SEL1L: variants seen among roughly 807,000 people sequenced by gnomAD.
The protein encoded by SEL1L is SEL1L adaptor subunit of SYVN1 ubiquitin ligase, also known as protein sel-1 homolog 1.
SEL1L carries 52 observed loss-of-function variants against 109.8 expected under a neutral mutation model. The observed-to-expected ratio is 0.47, with a 90% CI of 0.38 to 0.60. The LOEUF is 0.60. Among genes scored for constraint, SEL1L ranks in the 20% least tolerant of loss-of-function variants. The probability of loss-of-function intolerance (pLI) is 0.00; values close to 1 mark genes in which losing one functional copy is unlikely to be tolerated. For missense variants in SEL1L, 749 were observed against 962.2 expected (o/e 0.78, Z 2.93); for synonymous variants, 373 against 339.6 (o/e 1.10, Z -1.08).
At chr14:81,530,807 T>C (rs1411718543) in intron 1 of SEL1L, among the ~76,000 whole-genome samples, 1 of 152,186 alleles carries the variant, frequency 6.6e-6, no homozygotes, top group South Asian at 2.1e-4. Flanking sequence ...TAAACCTAAA[T>C]GGGATAGCCT....
intron 14 of SEL1L, 116 bp downstream of exon 14, chr14:81,489,136 G>C: frequency 2.3e-6 from 2 of 860,784 alleles, no homozygotes; most frequent in South Asian, 2.8e-5. Flanking sequence ...AAGAGGTTCA[G>C]CTTTGCTTAC....
chr14:81,523,458 C>T (rs969126361), intron 3 of SEL1L, among the ~76,000 whole-genome samples: 2 of 152,142 alleles, frequency 1.3e-5, no homozygotes, highest in Non-Finnish European at 2.9e-5. Context: ...CCTTGCCCTA[C>T]ACCTCTCTTC....
intron 9 of SEL1L, 116 bp from the exon 10 acceptor site, chr14:81,498,162 T>C (rs889837537): frequency 1.5e-5 from 16 of 1,071,796 alleles, no homozygotes; most frequent in South Asian, 3.3e-5. Flanking sequence ...AAGGAAGCTG[T>C]TTTTACAGTA....
At chr14:81,532,322 A>G (rs1178700290) in intron 1 of SEL1L, among the ~76,000 whole-genome samples, 5 of 152,212 alleles carry the variant, frequency 3.3e-5, no homozygotes, top group Non-Finnish European at 1.5e-5. Context: ...CTAAAACCCA[A>G]TGTTTAACAA....
intron 17 of SEL1L, 66 bp downstream of exon 17, chr14:81,486,223 A>AT (rs1903515166): frequency 6.8e-7 from 1 of 1,480,302 alleles, no homozygotes; most frequent in Non-Finnish European, 9.3e-7. Context: ...TTTTGAATAC[A>AT]TTAAACAGTT....
chr14:81,522,085 G>T (rs1884928756), intron 3 of SEL1L, among the ~76,000 whole-genome samples: 1 of 152,044 alleles, frequency 6.6e-6, no homozygotes, highest in Non-Finnish European at 1.5e-5. Context: ...AAATATTTTT[G>T]TATAGCTCTA....
intron 8 of SEL1L, chr14:81,498,989 G>GAGC (rs1472902818): frequency 2.2e-6 from 1 of 453,650 alleles, no homozygotes; most frequent in Non-Finnish European, 2.9e-6. Context: ...ACAGAAAGTA[G>GAGC]AGCTCTCTGG....
chr14:81,530,656 G>T (rs1349023941), intron 1 of SEL1L, among the ~76,000 whole-genome samples: 1 of 152,140 alleles, frequency 6.6e-6, no homozygotes, highest in Non-Finnish European at 1.5e-5. Context: ...ATTATCCTGA[G>T]AAAATGAAGA....
chr14:81,474,396 C>G lies in SEL1L; in HGVS notation c.*2576G>C, dbSNP rs1477322095. 2.0e-5 allele frequency: 3 copies of G among 152,192 alleles called. No individual in the cohort carries two copies. The highest frequency in any genetic ancestry group is 4.4e-5 in the Non-Finnish European group (3 of 68,034). 9.4% of individuals were successfully genotyped at this position (152,192 alleles called of 1,614,324 possible). On this transcript the variant is annotated 3_prime_UTR_variant, in exon 21 of 21. Coordinates refer to ENST00000336735, the MANE Select transcript of SEL1L (RefSeq NM_005065.6). The stretch of plus-strand genomic sequence containing the variant: ...GTCATCAAGTTCGAAGGCAGGAAGA[C>G]AGACTAGAAAAGGTCTTAGGAGAGA...
At chr14:81,487,792 T>C (rs969254328) in intron 15 of SEL1L, 63 bp downstream of exon 15, 26 of 1,600,372 alleles carry the variant, frequency 1.6e-5, no homozygotes, top group Non-Finnish European at 2.2e-5. Context: ...CATAATGCCA[T>C]CTAGTAGAAA....
intron 3 of SEL1L, among the ~76,000 whole-genome samples, chr14:81,517,721 A>G (rs1044014514): frequency 2.0e-4 from 31 of 152,248 alleles, no homozygotes; most frequent in Non-Finnish European, 4.6e-4. Context: ...AAATTAAAAT[A>G]AAATGTTAAA....
At chr14:81,518,161 G>C (rs1029203019) in intron 3 of SEL1L, among the ~76,000 whole-genome samples, 1 of 151,682 alleles carries the variant, frequency 6.6e-6, no homozygotes. Flanking sequence ...CCAAAATGCT[G>C]GGATTACAGG....
intron 7 of SEL1L, 32 bp downstream of exon 7, chr14:81,499,577 T>C (rs373078707): frequency 2.5e-6 from 4 of 1,609,296 alleles, no homozygotes; most frequent in African/African-American, 2.7e-5. Flanking sequence ...CAATTCAAAT[T>C]GTAATATGCA....
chr14:81,482,140 C>G (rs1163327758), intron 19 of SEL1L, among the ~76,000 whole-genome samples: 1 of 152,110 alleles, frequency 6.6e-6, no homozygotes, highest in Non-Finnish European at 1.5e-5. Context: ...TCCCCCTACT[C>G]TTATCAAAGG....
In SEL1L at chr14:81,476,753, A is replaced by G. The variant is rs1353029687; in HGVS notation, c.*219T>C. ...AAAAGCCACTGAAAGTTGTTATTCC[A>G]TATGGCACTGAAACAAACATTCAGC... On this transcript the variant is annotated 3_prime_UTR_variant, in exon 21 of 21. Transcript: ENST00000336735. The G allele has an allele frequency of 1.9e-5, 10 of 527,072 alleles. No homozygotes were observed. Among genetic ancestry groups the G allele is most frequent in the Middle Eastern group, 5.0e-4 (1 of 2,016 alleles). The allele number at this position is 527,072 out of a possible 1,614,324, so 32.6% of individuals were successfully genotyped here. A position where few individuals can be genotyped will look rare whatever the true frequency, so the allele number is the denominator to read the frequency against.
chr14:81,516,969 C>T (rs1030897005), intron 3 of SEL1L, among the ~76,000 whole-genome samples: 1 of 152,126 alleles, frequency 6.6e-6, no homozygotes, highest in Non-Finnish European at 1.5e-5. Flanking sequence ...ATGTCAAATC[C>T]CCCTACCAAA....
At position 81,472,453 on chromosome 14, in the gene SEL1L, T is replaced by C. The variant is rs777129977; in HGVS notation, c.*4519A>G. ...GCTGGGGGCCAAATTTGTAGCCCAC[T>C]TCCAATTGCACTTTGTGTACATGTT... On this transcript the variant is annotated 3_prime_UTR_variant, in exon 21 of 21. Coordinates refer to ENST00000336735, the MANE Select transcript of SEL1L (RefSeq NM_005065.6). 25 of 222,884 alleles carry C rather than the reference T, an allele frequency of 1.1e-4. No individual in the cohort carries two copies. The highest frequency in any genetic ancestry group is 2.1e-4 in the Non-Finnish European group (23 of 109,372). The allele number at this position is 222,884 out of a possible 1,614,324, so 13.8% of individuals were successfully genotyped here. A position where few individuals can be genotyped will look rare whatever the true frequency, so the allele number is the denominator to read the frequency against.
At chr14:81,524,222 C>A (rs1003024720) in intron 3 of SEL1L, among the ~76,000 whole-genome samples, 3 of 152,228 alleles carry the variant, frequency 2.0e-5, no homozygotes. Flanking sequence ...GTTGCCAAAA[C>A]CCCTAGGCAA....
chr14:81,486,449 A>G lies in SEL1L; in HGVS notation c.1638T>C (p.Phe546=), dbSNP rs1453869756. 2 of 1,613,388 alleles carry G rather than the reference A, an allele frequency of 1.2e-6. No homozygotes were observed. Among genetic ancestry groups the G allele is most frequent in the African/African-American group, 2.7e-5 (2 of 75,018 alleles). Residue 546 remains phenylalanine, a synonymous_variant, in exon 17 of 21, where the codon TTT becomes TTC. Coordinates refer to ENST00000336735, the MANE Select transcript of SEL1L (RefSeq NM_005065.6). ...AACGGCCTCGTTCACATACATTCTT[A>G]AACAACTGTGTGAGGTGGGGAAAAA... is the stretch of plus-strand genomic sequence containing the variant. ...MRSCHTAVEL[F]KNVCERGRWS...
Sources: allele counts gnomAD v4.1 joint callset (sites outside exome capture counted in the v4.1 genomes callset), GRCh38; gene constraint gnomAD v4.1.1; transcripts MANE v1.5; gene names NCBI Gene and HGNC (gene_info 2026-07-23, HGNC 2026-07-21).